Variants in PRKCE observed in about 807,000 individuals in gnomAD.
PRKCE encodes the protein protein kinase C epsilon type.
PRKCE carries 16 observed loss-of-function variants against 85.4 expected under a neutral mutation model. The observed-to-expected ratio is 0.19, with a 90% CI of 0.13 to 0.28. PRKCE has a LOEUF of 0.28. Among genes scored for constraint, PRKCE ranks in the 10% least tolerant of loss-of-function variants. The pLI, the probability that PRKCE is intolerant of heterozygous loss-of-function variation, is 1.00. For synonymous variants in PRKCE, 388 were observed against 371.5 expected (o/e 1.04, Z -0.51); for missense variants, 573 against 975.2 (o/e 0.59, Z 5.49).
chr2:45,687,460 G>A (rs978261673), intron 1 of PRKCE, among the ~76,000 whole-genome samples: 1 of 152,136 alleles, frequency 6.6e-6, no homozygotes, highest in Non-Finnish European at 1.5e-5. Context: ...AGACATCCAT[G>A]CATAATGGGA....
At chr2:45,887,217 G>T (rs1695367604) in intron 2 of PRKCE, among the ~76,000 whole-genome samples, 1 of 152,154 alleles carries the variant, frequency 6.6e-6, no homozygotes, top group African/African-American at 2.4e-5. Context: ...CAGCTTTGCA[G>T]GTTATACTCT....
At chr2:45,927,346 A>G (rs1177577473) in intron 2 of PRKCE, among the ~76,000 whole-genome samples, 1 of 152,226 alleles carries the variant, frequency 6.6e-6, no homozygotes, top group Non-Finnish European at 1.5e-5. Flanking sequence ...TCAATGTGCC[A>G]GGCTCTGTGC....
intron 2 of PRKCE, among the ~76,000 whole-genome samples, chr2:45,948,842 T>C (rs1420033359): frequency 6.6e-6 from 1 of 152,214 alleles, no homozygotes; most frequent in Non-Finnish European, 1.5e-5. Flanking sequence ...TGAATTTTAC[T>C]TTATATAAAT....
chr2:45,931,705 G>A (rs1699055334), intron 2 of PRKCE, among the ~76,000 whole-genome samples: 1 of 151,892 alleles, frequency 6.6e-6, no homozygotes, highest in Admixed American at 6.6e-5. Flanking sequence ...GAGTATACAG[G>A]TGACTGAATT....
chr2:45,685,040 T>C (rs1394356960), intron 1 of PRKCE, among the ~76,000 whole-genome samples: 1 of 152,174 alleles, frequency 6.6e-6, no homozygotes, highest in African/African-American at 2.4e-5. Flanking sequence ...CTTTGTGGTC[T>C]GAAAATTGGC....
chr2:45,961,868 T>C (rs1440535764), intron 2 of PRKCE, among the ~76,000 whole-genome samples: 1 of 152,148 alleles, frequency 6.6e-6, no homozygotes, highest in African/African-American at 2.4e-5. Flanking sequence ...GCTAATTTTG[T>C]ATTTTTAGTA....
At chr2:46,081,931 A>G (rs974446690) in intron 10 of PRKCE, among the ~76,000 whole-genome samples, 3 of 152,160 alleles carry the variant, frequency 2.0e-5, no homozygotes, top group Non-Finnish European at 2.9e-5. Context: ...CCCCATCTCT[A>G]CTAAAAATAC....
chr2:45,806,683 A>T (rs1688267895), intron 1 of PRKCE, among the ~76,000 whole-genome samples: 1 of 152,178 alleles, frequency 6.6e-6, no homozygotes, highest in Non-Finnish European at 1.5e-5. Flanking sequence ...CATACAGTAC[A>T]TGTCCTTTTG....
chr2:46,089,726 T>A (rs193217109), intron 11 of PRKCE, among the ~76,000 whole-genome samples: 3 of 148,862 alleles, frequency 2.0e-5, no homozygotes, highest in East Asian at 1.9e-4. Context: ...CAGCAAGAGA[T>A]GCTTTTCTGC....
At chr2:45,741,147 C>G (rs1202613461) in intron 1 of PRKCE, among the ~76,000 whole-genome samples, 7 of 152,172 alleles carry the variant, frequency 4.6e-5, no homozygotes, top group African/African-American at 1.7e-4. Context: ...AATGTGATTG[C>G]TTCTATCGGT....
intron 14 of PRKCE, among the ~76,000 whole-genome samples, chr2:46,181,453 G>C (rs1679970465): frequency 6.6e-6 from 1 of 152,210 alleles, no homozygotes; most frequent in African/African-American, 2.4e-5. Flanking sequence ...TCTCTCAAAT[G>C]CCACAGATGA....
intron 1 of PRKCE, chr2:45,674,847 A>G (rs1676346903): frequency 6.6e-6 from 1 of 152,234 alleles, no homozygotes; most frequent in Admixed American, 6.5e-5. Context: ...GTTTATGAGA[A>G]TTCTCGGCCT....
intron 1 of PRKCE, among the ~76,000 whole-genome samples, chr2:45,730,264 C>G (rs1055252680): frequency 6.6e-6 from 1 of 152,046 alleles, no homozygotes; most frequent in Non-Finnish European, 1.5e-5. Flanking sequence ...ACAACCCTCC[C>G]ATCTCAGCCT....
intron 13 of PRKCE, among the ~76,000 whole-genome samples, chr2:46,158,880 G>T (rs1208104096): frequency 6.6e-6 from 1 of 151,972 alleles, no homozygotes; most frequent in African/African-American, 2.4e-5. Flanking sequence ...CATTTAATAG[G>T]AATAACAAGT....
intron 10 of PRKCE, among the ~76,000 whole-genome samples, chr2:46,062,668 CTTTTTTTTTTTT>C (rs71394871): frequency 1.4e-5 from 1 of 73,260 alleles, no homozygotes; most frequent in Non-Finnish European, 2.3e-5. Context: ...AAAGCTCAGC[CTTTTTTTTTTTT>C]TTTTTTTTTT....
chr2:46,031,591 C>CGTGTGTGTGTGTGTGTGTGT (rs58684318), intron 10 of PRKCE, among the ~76,000 whole-genome samples: 10 of 144,028 alleles, frequency 6.9e-5, no homozygotes, highest in Non-Finnish European at 1.4e-4. Context: ...ACATTCTGCT[C>CGTGTGTGTGTGTGTGTGTGT]GTGTGTGTGT....
intron 2 of PRKCE, among the ~76,000 whole-genome samples, chr2:45,890,074 C>A (rs900451872): frequency 1.6e-4 from 24 of 152,358 alleles, no homozygotes; most frequent in Middle Eastern, 6.8e-3. Flanking sequence ...AGAGCAATTA[C>A]TTATCACCAT....
chr2:46,004,702 G>A lies in PRKCE; in HGVS notation c.1063+64G>A. 1 of 1,384,790 alleles carries A rather than the reference G, an allele frequency of 7.2e-7. No homozygotes were observed. The allele number at this position is 1,384,790 out of a possible 1,614,324, so 85.8% of individuals were successfully genotyped here. A position where few individuals can be genotyped will look rare whatever the true frequency, so the allele number is the denominator to read the frequency against. On this transcript the variant is annotated intron_variant, in intron 8 of 14. Transcript: ENST00000306156. This position sits in a 1 kb window ranked among gnomAD's most constrained non-coding sequence, Gnocchi z 4.1. ...GCCATTGGATGGACCAAGGAGCTCTGAGGCCTCTTTAACCAAGAGTGAGCT... is the reference window on the plus strand; with the variant it reads ...GCCATTGGATGGACCAAGGAGCTCTAAGGCCTCTTTAACCAAGAGTGAGCT...
chr2:45,891,464 A>G lies in PRKCE; in HGVS notation c.412+48401A>G, dbSNP rs756989854. On this transcript the variant is annotated intron_variant, in intron 2 of 14. Coordinates refer to ENST00000306156, the MANE Select transcript of PRKCE (RefSeq NM_005400.3). ...CATTGCTCCCATCCTGATGCTGGCT[A>G]TCACTACTGAATGCCTTCTCTGGGA... Among the ~76,000 whole-genome samples the G allele has an allele frequency of 2.6e-5, 4 of 152,226 alleles. No homozygotes were observed. The South Asian group carries it at 6.2e-4, about 24-fold the overall frequency.
Sources: allele counts gnomAD v4.1 joint callset (sites outside exome capture counted in the v4.1 genomes callset), GRCh38; gene constraint gnomAD v4.1.1; non-coding constraint Gnocchi (gnomAD v3.1); transcripts MANE v1.5; gene names NCBI Gene and HGNC (gene_info 2026-07-23, HGNC 2026-07-21).